Variants in CST7 observed in about 807,000 individuals in gnomAD.
CST7 encodes cystatin F.
In CST7, 15 loss-of-function variants were observed where a neutral mutation model predicts 13.1. The observed-to-expected ratio is 1.14, with a 90% confidence interval of 0.77 to 1.76. The LOEUF is 1.76. Among genes scored for constraint, CST7 ranks in the 40% most tolerant of loss-of-function variants. CST7 has a pLI of 0.00. For synonymous variants in CST7, 75 were observed against 66.9 expected (o/e 1.12, Z -0.59); for missense variants, 193 against 178.8 (o/e 1.08, Z -0.45).
At position 24,957,463 on chromosome 20, in the gene CST7, A is replaced by T. The variant is rs376901152; in HGVS notation, c.243+4A>T. 2.5e-6 allele frequency: 4 copies of T among 1,612,952 alleles called. No homozygotes were observed. The Admixed American group carries it at 5.0e-5, about 20-fold the overall frequency. On this transcript the variant is annotated splice_donor_region_variant and intron_variant, in intron 2 of 3. Coordinates refer to ENST00000480798, the MANE Select transcript of CST7 (RefSeq NM_003650.4). The stretch of plus-strand genomic sequence containing the variant: ...CATCACAAGGGCCCTAGTTCAGGTA[A>T]CGGTCTGGGTTCTGGTCACATATCA...
rs777906860 is a variant in CST7, at chr20:24,959,713, C to T, written c.*1C>T. Reference sequence around the variant, plus strand: ...GGTGCCTGTTCTCCGTTGTCACTGACCCCCGCCTCTTCAGCAAGACCACAG... The same window carrying T: ...GGTGCCTGTTCTCCGTTGTCACTGATCCCCGCCTCTTCAGCAAGACCACAG... On this transcript the variant is annotated 3_prime_UTR_variant, in exon 4 of 4. Transcript: ENST00000480798. 15 of 1,613,888 alleles carry T rather than the reference C, an allele frequency of 9.3e-6. No individual in the cohort carries two copies. The highest frequency in any genetic ancestry group is 8.9e-5 in the East Asian group (4 of 44,872).
At chr20:24,952,828 C>T (rs1331123875) in intron 1 of CST7, among the ~76,000 whole-genome samples, 1 of 152,258 alleles carries the variant, frequency 6.6e-6, no homozygotes, top group Non-Finnish European at 1.5e-5. Flanking sequence ...GCTTCCCAAC[C>T]TCCCGGCCAC....
intron 1 of CST7, 115 bp downstream of exon 1, chr20:24,949,690 C>T (rs184266234): frequency 4.4e-5 from 61 of 1,371,480 alleles, no homozygotes; most frequent in Admixed American, 3.3e-4. Context: ...CAGGACCATG[C>T]GGTGGTGAGA....
intron 3 of CST7, among the ~76,000 whole-genome samples, 167 bp from the exon 4 acceptor site, chr20:24,959,468 A>C (rs2087882276): frequency 6.6e-6 from 1 of 152,206 alleles, no homozygotes; most frequent in African/African-American, 2.4e-5. Context: ...AGAGGTGAAA[A>C]GCACATTTTC....
At chr20:24,955,686 T>C (rs2087849542) in intron 1 of CST7, among the ~76,000 whole-genome samples, 1 of 152,184 alleles carries the variant, frequency 6.6e-6, no homozygotes, top group African/African-American at 2.4e-5. Context: ...CCTGACCTCG[T>C]GATCTGCCCG....
At chr20:24,953,946 A>C (rs1479107073) in intron 1 of CST7, among the ~76,000 whole-genome samples, 2 of 152,012 alleles carry the variant, frequency 1.3e-5, no homozygotes, top group Non-Finnish European at 2.9e-5. Flanking sequence ...GGGTCTCCCC[A>C]ACTCTTCCCA....
At chr20:24,954,981 T>G (rs34419834) in intron 1 of CST7, among the ~76,000 whole-genome samples, 73,673 of 151,648 alleles carry the variant, frequency 0.49, 19,264 homozygotes, top group East Asian at 0.92. Flanking sequence ...TAAAATGTAG[T>G]TTTTACAAAG....
chr20:24,957,538 A>G, intron 2 of CST7, 79 bp downstream of exon 2: 1 of 1,405,394 alleles, frequency 7.1e-7, no homozygotes, highest in Non-Finnish European at 9.9e-7. Context: ...CTAGGAGAGC[A>G]GGGCGGATAT....
chr20:24,949,648 C>T (rs1489004635), intron 1 of CST7, 73 bp downstream of exon 1: 21 of 1,574,428 alleles, frequency 1.3e-5, no homozygotes, highest in Non-Finnish European at 1.7e-5. Context: ...CTTGGGTCTT[C>T]CCCAGGGCAC....
At position 24,949,513 on chromosome 20, in the gene CST7, C is replaced by T. The variant is rs897220469; in HGVS notation, c.8C>T (p.Ala3Val). Residue 3 changes from alanine to valine, a missense_variant, in exon 1 of 4, where the codon GCG becomes GTG. Physicochemically the swap from Ala to Val is moderately conservative, Grantham distance 64. Coordinates refer to ENST00000480798, the MANE Select transcript of CST7 (RefSeq NM_003650.4). MR[A>V]AGTLLAFCCL... Reference sequence around the variant, plus strand: ...GTCCCTACCCGGGCAGCCATGCGAGCGGCTGGAACTCTGCTGGCCTTCTGC... The same window carrying T: ...GTCCCTACCCGGGCAGCCATGCGAGTGGCTGGAACTCTGCTGGCCTTCTGC... 4 of 1,614,136 alleles carry T rather than the reference C, an allele frequency of 2.5e-6. No individual in the cohort carries two copies. The highest frequency in any genetic ancestry group is 1.1e-5 in the South Asian group (1 of 91,092).
At chr20:24,949,899 C>T (rs374243419) in intron 1 of CST7, among the ~76,000 whole-genome samples, 7 of 152,218 alleles carry the variant, frequency 4.6e-5, no homozygotes, top group African/African-American at 1.2e-4. Flanking sequence ...CTCTGCGGGA[C>T]GGAGGCGACA....
Position 24,959,461 on chromosome 20 carries a change from G to A in CST7, c.361-174G>A, listed in dbSNP as rs113685329. Among the ~76,000 whole-genome samples the A allele has an allele frequency of 6.1e-3, 929 of 152,310 alleles. 15 individuals are homozygous for A. The highest frequency in any genetic ancestry group is 0.022 in the African/African-American group (905 of 41,560). The stretch of plus-strand genomic sequence containing the variant: ...CACAGCAACATTTAGCAATTACAGA[G>A]GTGAAAAGCACATTTTCTTAAATCG... On this transcript the variant is annotated intron_variant, in intron 3 of 3. Coordinates refer to ENST00000480798, the MANE Select transcript of CST7 (RefSeq NM_003650.4).
chr20:24,954,082 G>A (rs1033454870), intron 1 of CST7, among the ~76,000 whole-genome samples: 4 of 151,730 alleles, frequency 2.6e-5, no homozygotes, highest in African/African-American at 9.7e-5. Flanking sequence ...GGCCTGCTCT[G>A]CCTCCCCACC....
chr20:24,956,712 G>A (rs957681201), intron 1 of CST7, among the ~76,000 whole-genome samples: 5 of 151,922 alleles, frequency 3.3e-5, no homozygotes, highest in African/African-American at 9.7e-5. Context: ...AGAGCCAGGC[G>A]GGCAAAAGGT....
At position 24,949,544 on chromosome 20, in the gene CST7, G is replaced by T; in HGVS notation, c.39G>T (p.Leu13=). 6.2e-7 allele frequency: 1 copy of T among 1,614,134 alleles called. No individual in the cohort carries two copies. The highest frequency in any genetic ancestry group is 8.5e-7 in the Non-Finnish European group (1 of 1,180,040). The change falls in exon 1 of 4, where the codon CTG becomes CTT. Residue 13 remains leucine, a synonymous_variant. Coordinates refer to ENST00000480798, the MANE Select transcript of CST7 (RefSeq NM_003650.4). ...GAACTCTGCTGGCCTTCTGCTGCCT[G>T]GTCTTGAGCACCACTGGGGGCCCTT... ...AAGTLLAFCC[L]VLSTTGGPSP...
chr20:24,958,169 T>G (rs1408215825), intron 2 of CST7, among the ~76,000 whole-genome samples: 1 of 152,178 alleles, frequency 6.6e-6, no homozygotes, highest in Non-Finnish European at 1.5e-5. Context: ...AACCTAATTA[T>G]TTTTGACAAT....
At chr20:24,953,960 C>T (rs781438527) in intron 1 of CST7, among the ~76,000 whole-genome samples, 25 of 152,172 alleles carry the variant, frequency 1.6e-4, no homozygotes, top group Admixed American at 3.3e-4. Context: ...CTTCCCAGCA[C>T]GTAGCTCCCT....
chr20:24,959,427 G>C (rs545492905), intron 3 of CST7, among the ~76,000 whole-genome samples: 23 of 152,186 alleles, frequency 1.5e-4, no homozygotes, highest in Admixed American at 3.3e-4. Flanking sequence ...GAGAGCAAGA[G>C]AACGGGAACA....
At chr20:24,951,082 T>C (rs2087815956) in intron 1 of CST7, among the ~76,000 whole-genome samples, 1 of 152,140 alleles carries the variant, frequency 6.6e-6, no homozygotes, top group Non-Finnish European at 1.5e-5. Context: ...GTCATTTTCC[T>C]GGGTGGTGTT....
Sources: gnomAD v4.1 joint callset for allele counts (sites outside exome capture counted in the v4.1 genomes callset) on GRCh38, gnomAD v4.1.1 for gene constraint, MANE v1.5 for transcripts, NCBI Gene and HGNC (gene_info 2026-07-23, HGNC 2026-07-21) for gene names.